The following ABI3 variants were observed in gnomAD, a reference collection of about 807,000 sequenced individuals.
ABI3 encodes ABI family member 3.
A neutral mutation model predicts 37.0 loss-of-function variants in ABI3; 24 were observed. The ratio of observed to expected loss-of-function variants is 0.65; its 90% CI spans 0.47 to 0.91. The LOEUF (loss-of-function observed/expected upper bound fraction) is 0.91. ABI3 is among the 40% of genes least tolerant of loss of function. ABI3 has a pLI of 0.00. For synonymous variants in ABI3, 220 were observed against 211.8 expected (o/e 1.04, Z -0.34); for missense variants, 481 against 485.1 (o/e 0.99, Z 0.08).
chr17:49,222,517 A>C, intron 7 of ABI3, 35 bp from the exon 8 acceptor site: 1 of 1,608,434 alleles, frequency 6.2e-7, no homozygotes, highest in Non-Finnish European at 8.5e-7. Flanking sequence ...GGCAAGAGGC[A>C]TTATCTCACG....
rs972914652 is a variant in ABI3, at chr17:49,220,180, G to A, written c.656G>A (p.Gly219Asp). 2 of 1,612,036 alleles carry A rather than the reference G, an allele frequency of 1.2e-6. No individual in the cohort carries two copies. Among genetic ancestry groups the A allele is most frequent in the South Asian group, 2.2e-5 (2 of 90,998 alleles). ...TCTCTGGTGTTCAGCAGCGCCGAAG[G>A]TGTCGGTGGGGCCCCCACGCCCAAG... ...FSLASAGSAEGVGGAPTPKGQ... is the reference protein window; with the variant it reads ...FSLASAGSAEDVGGAPTPKGQ... The change falls in exon 6 of 8, where the codon GGT (glycine) becomes GAT (aspartate). Residue 219 changes from glycine (G) to aspartate (D), a missense_variant. Gly to Asp is a moderately conservative substitution (Grantham distance 94). Transcript: ENST00000225941.
At chr17:49,222,067 C>G (rs774953399) in intron 6 of ABI3, 24 bp from the exon 7 acceptor site, 2 of 1,573,276 alleles carry the variant, frequency 1.3e-6, no homozygotes, top group African/African-American at 2.7e-5. Context: ...GCCACACTTA[C>G]AGCCTTTCTG....
At position 49,213,769 on chromosome 17, in the gene ABI3, C is replaced by T. The variant is rs754745188; in HGVS notation, c.118-2762C>T. Among the ~76,000 whole-genome samples, 6 of 152,156 alleles carry T rather than the reference C, an allele frequency of 3.9e-5. No individual in the cohort carries two copies. In the East Asian group the frequency reaches 5.8e-4, roughly 15 times the overall value. ...GTTTGGGCCAACAATTCCACATGTT[C>T]GTTTGGGGAGGAAACTGTACAGAAG... On this transcript the variant is annotated intron_variant, in intron 1 of 7. Coordinates refer to ENST00000225941, the MANE Select transcript of ABI3 (RefSeq NM_016428.3).
chr17:49,213,881 G>C (rs1057512555), intron 1 of ABI3, among the ~76,000 whole-genome samples: 1 of 152,170 alleles, frequency 6.6e-6, no homozygotes, highest in African/African-American at 2.4e-5. Flanking sequence ...AGTAAAGGAA[G>C]GTCCTGAACT....
Position 49,219,865 on chromosome 17 carries a change from C to A in ABI3, c.556C>A (p.Pro186Thr), listed in dbSNP as rs1305904015. The A allele has an allele frequency of 1.3e-6, 2 of 1,544,238 alleles. No homozygotes were observed. The highest frequency in any genetic ancestry group is 1.7e-6 in the Non-Finnish European group (2 of 1,149,984). Residue 186 changes from proline (P) to threonine (T), a missense_variant, in exon 5 of 8, where the codon CCC becomes ACC. Transcript: ENST00000225941. This position sits in a 1 kb window ranked among gnomAD's most constrained non-coding sequence, Gnocchi z 4.3. Reference sequence around the variant, plus strand: ...CTCCCTGCCCCCCGCCAGGAGACCACCCCGGATTCCCGAGCCAGTGCACCT... The same window carrying A: ...CTCCCTGCCCCCCGCCAGGAGACCAACCCGGATTCCCGAGCCAGTGCACCT... ...TPASATLGRP[P>T]RIPEPVHLPV...
chr17:49,211,306 G>A (rs1048464722), intron 1 of ABI3, among the ~76,000 whole-genome samples: 2 of 152,216 alleles, frequency 1.3e-5, no homozygotes, highest in Non-Finnish European at 2.9e-5. Flanking sequence ...GAAAGGGAGA[G>A]TGGGGATAAG....
Position 49,222,855 on chromosome 17 carries a change from G to A in ABI3, c.*140G>A, listed in dbSNP as rs561391115. 25 of 949,424 alleles carry A rather than the reference G, an allele frequency of 2.6e-5. No individual in the cohort carries two copies. Among genetic ancestry groups the A allele is most frequent in the Middle Eastern group, 6.8e-4 (2 of 2,922 alleles). The allele number at this position is 949,424 out of a possible 1,614,324, so 58.8% of individuals were successfully genotyped here. A position where few individuals can be genotyped will look rare whatever the true frequency, so the allele number is the denominator to read the frequency against. ...GCTGTGTTCTGTCCTTCCTCCCATCGGAGGGAGAAGGGGTCCTGGGGAGAG... is the reference window on the plus strand; with the variant it reads ...GCTGTGTTCTGTCCTTCCTCCCATCAGAGGGAGAAGGGGTCCTGGGGAGAG... On this transcript the variant is annotated 3_prime_UTR_variant, in exon 8 of 8. Coordinates refer to ENST00000225941, the MANE Select transcript of ABI3 (RefSeq NM_016428.3).
rs1284960116 is a variant in ABI3, at chr17:49,219,338, C to A, written c.463-202C>A. 1.3e-5 allele frequency among the ~76,000 whole-genome samples: 2 copies of A among 152,022 alleles called. No individual in the cohort carries two copies. Among genetic ancestry groups the A allele is most frequent in the Non-Finnish European group, 2.9e-5 (2 of 68,010 alleles). On this transcript the variant is annotated intron_variant, in intron 3 of 7. Coordinates refer to ENST00000225941, the MANE Select transcript of ABI3 (RefSeq NM_016428.3). This position sits in a 1 kb window ranked among gnomAD's most constrained non-coding sequence, Gnocchi z 4.3. The stretch of plus-strand genomic sequence containing the variant: ...GAAGTGGCTGTGGGCTTTGGTAGAA[C>A]TGAGTCCCAGAACCCAGGCAATGAC...
chr17:49,223,160 C>G lies in ABI3; in HGVS notation c.*445C>G, dbSNP rs1040966856. On this transcript the variant is annotated 3_prime_UTR_variant, in exon 8 of 8. Transcript: ENST00000225941. ...CCATTTCCTCAGTACCCACAAAGTG[C>G]AGCCCACATTGGACCCCAGACACCC... 2 of 409,288 alleles carry G rather than the reference C, an allele frequency of 4.9e-6. No individual in the cohort carries two copies. The highest frequency in any genetic ancestry group is 4.1e-5 in the African/African-American group (2 of 48,938). 25.4% of individuals were successfully genotyped at this position (409,288 alleles called of 1,614,324 possible). A position where few individuals can be genotyped will look rare whatever the true frequency, so the allele number is the denominator to read the frequency against.
At position 49,220,393 on chromosome 17, in the gene ABI3, C is replaced by A. The variant is rs1384698578; in HGVS notation, c.802+67C>A. ...TTTCTGCCTCCTGCCACTCCCCAGC[C>A]CACCTCTCTTGGATCTGCCCCGGCC... On this transcript the variant is annotated intron_variant, in intron 6 of 7. Coordinates refer to ENST00000225941, the MANE Select transcript of ABI3 (RefSeq NM_016428.3). The A allele has an allele frequency of 6.6e-6, 10 of 1,513,426 alleles. No homozygotes were observed. In the East Asian group the frequency reaches 2.2e-4, roughly 34 times the overall value. 93.7% of individuals were successfully genotyped at this position (1,513,426 alleles called of 1,614,324 possible). A position where few individuals can be genotyped will look rare whatever the true frequency, so the allele number is the denominator to read the frequency against.
chr17:49,215,688 A>T (rs2043211811), intron 1 of ABI3, among the ~76,000 whole-genome samples: 1 of 151,828 alleles, frequency 6.6e-6, no homozygotes, highest in Non-Finnish European at 1.5e-5. Context: ...AGTAGAGACG[A>T]GGTTTTGCCA....
intron 2 of ABI3, among the ~76,000 whole-genome samples, chr17:49,217,420 G>A (rs895771684): frequency 6.6e-6 from 1 of 152,082 alleles, no homozygotes; most frequent in Non-Finnish European, 1.5e-5. Flanking sequence ...CCTCTGCTCC[G>A]AAGTCAGCCG....
In ABI3 at chr17:49,222,132, C is replaced by A. The variant is rs144160707; in HGVS notation, c.844C>A (p.Pro282Thr). The A allele has an allele frequency of 3.0e-5, 49 of 1,613,440 alleles. No homozygotes were observed. The African/African-American group carries it at 5.3e-4, about 18-fold the overall frequency. ...PLPLDLPPPP[P>T]LDGDELGLPP... ...GCCACTGGACCTGCCTCCTCCTCCACCCCTGGATGGAGATGAATTGGGGCT... is the reference window on the plus strand; with the variant it reads ...GCCACTGGACCTGCCTCCTCCTCCAACCCTGGATGGAGATGAATTGGGGCT... Residue 282 changes from proline to threonine, a missense_variant, in exon 7 of 8, where the codon CCC (proline) becomes ACC (threonine). Physicochemically the swap from Pro to Thr is conservative, Grantham distance 38 (BLOSUM62 -1). Coordinates refer to ENST00000225941, the MANE Select transcript of ABI3 (RefSeq NM_016428.3).
intron 2 of ABI3, among the ~76,000 whole-genome samples, chr17:49,216,961 C>T (rs889583746): frequency 2.0e-5 from 3 of 152,134 alleles, no homozygotes; most frequent in Admixed American, 1.3e-4. Context: ...ATCACAGCAG[C>T]GCCCTATACA....
rs2043231805 is a variant in ABI3 at position 49,217,523 on chromosome 17, CA to C, written c.286-215del. ...CTAATAATAACCCATACTCTCTTTC[CA>C]CCAGGAAGTTGCTCCAAAGTGGCTC... On this transcript the variant is annotated intron_variant, in intron 2 of 7. Transcript: ENST00000225941. Among the ~76,000 whole-genome samples the C allele has an allele frequency of 2.6e-5, 4 of 151,360 alleles. No individual in the cohort carries two copies. The South Asian group carries it at 8.3e-4, about 32-fold the overall frequency.
chr17:49,221,668 G>A (rs1410108673), intron 6 of ABI3, among the ~76,000 whole-genome samples: 1 of 152,148 alleles, frequency 6.6e-6, no homozygotes, highest in Non-Finnish European at 1.5e-5. Context: ...CAGCACTGTG[G>A]GAAGACCAGG....
At chr17:49,220,402 T>C in intron 6 of ABI3, 76 bp downstream of exon 6, 5 of 1,502,092 alleles carry the variant, frequency 3.3e-6, no homozygotes, top group Non-Finnish European at 4.5e-6. Flanking sequence ...CCCACCTCTC[T>C]TGGATCTGCC....
At chr17:49,221,184 A>C (rs888706404) in intron 6 of ABI3, among the ~76,000 whole-genome samples, 3 of 147,554 alleles carry the variant, frequency 2.0e-5, no homozygotes, top group Non-Finnish European at 4.5e-5. Context: ...AAAAAATAAA[A>C]TAAAGGCCGG....
At position 49,219,810 on chromosome 17, in the gene ABI3, A is replaced by G; in HGVS notation, c.549-48A>G. 6.6e-7 allele frequency: 1 copy of G among 1,522,192 alleles called. No individual in the cohort carries two copies. Among genetic ancestry groups the G allele is most frequent in the Middle Eastern group, 1.7e-4 (1 of 5,918 alleles). The allele number at this position is 1,522,192 out of a possible 1,614,324, so 94.3% of individuals were successfully genotyped here. A position where few individuals can be genotyped will look rare whatever the true frequency, so the allele number is the denominator to read the frequency against. The stretch of plus-strand genomic sequence containing the variant: ...TGCTCGCACCCGACCCCTGCTGGCC[A>G]GAAGCCTTCCTCCTTCCTCCTAATA... On this transcript the variant is annotated intron_variant, in intron 4 of 7. Coordinates refer to ENST00000225941, the MANE Select transcript of ABI3 (RefSeq NM_016428.3). This position sits in a 1 kb window ranked among gnomAD's most constrained non-coding sequence, Gnocchi z 4.3.
Sources: gnomAD v4.1 joint callset for allele counts (sites outside exome capture counted in the v4.1 genomes callset) on GRCh38, gnomAD v4.1.1 for gene constraint, Gnocchi (gnomAD v3.1) non-coding constraint, MANE v1.5 for transcripts, NCBI Gene and HGNC (gene_info 2026-07-23, HGNC 2026-07-21) for gene names.